BRMS1L: variants seen among roughly 807,000 people sequenced by gnomAD.
BRMS1L encodes the protein breast cancer metastasis-suppressor 1-like protein.
A neutral mutation model predicts 50.3 loss-of-function variants in BRMS1L; 23 were observed. The observed-to-expected ratio is 0.46, with a 90% CI of 0.33 to 0.65. The LOEUF is 0.65. BRMS1L is among the 30% of genes least tolerant of loss of function. The probability of loss-of-function intolerance (pLI) is 0.02; values close to 1 mark genes in which losing one functional copy is unlikely to be tolerated. For synonymous variants in BRMS1L, 114 were observed against 126.9 expected, an observed-to-expected ratio of 0.90 and a Z score of 0.69; for missense variants, 286 against 386.1, an observed-to-expected ratio of 0.74 and a Z score of 2.17.
chr14:35,862,988 C>A (rs1369828939), intron 5 of BRMS1L, among the ~76,000 whole-genome samples: 2 of 151,938 alleles, frequency 1.3e-5, no homozygotes, highest in Non-Finnish European at 2.9e-5. Context: ...ATCTACAGTC[C>A]CAGCTATGCA....
chr14:35,866,621 C>T (rs2078425211), intron 8 of BRMS1L, among the ~76,000 whole-genome samples: 1 of 152,152 alleles, frequency 6.6e-6, no homozygotes, highest in Non-Finnish European at 1.5e-5. Flanking sequence ...GGGAGGATCA[C>T]CTGAGCCCTG....
chr14:35,842,640 T>A (rs1487787854), intron 4 of BRMS1L, among the ~76,000 whole-genome samples: 1 of 152,226 alleles, frequency 6.6e-6, no homozygotes, highest in East Asian at 1.9e-4. Context: ...TTGGTGAATC[T>A]GATGATTATG....
chr14:35,870,520 CA>C lies in BRMS1L; in HGVS notation c.*46del, dbSNP rs1217203787. On this transcript the variant is annotated 3_prime_UTR_variant, in exon 10 of 10. Transcript: ENST00000216807. ...TCTAAATTTACCTTATTAGTGTTAC[CA>C]AATGTAAGTGCCATGAGAGTAAAAA... The C allele has an allele frequency of 8.2e-7, 1 of 1,218,114 alleles. No individual in the cohort carries two copies. The highest frequency in any genetic ancestry group is 1.5e-5 in the African/African-American group (1 of 65,854). 75.5% of individuals were successfully genotyped at this position (1,218,114 alleles called of 1,614,324 possible). A position where few individuals can be genotyped will look rare whatever the true frequency, so the allele number is the denominator to read the frequency against.
At chr14:35,853,762 T>A (rs1342445892) in intron 4 of BRMS1L, among the ~76,000 whole-genome samples, 1 of 152,144 alleles carries the variant, frequency 6.6e-6, no homozygotes, top group Non-Finnish European at 1.5e-5. Context: ...TATTTTGAGT[T>A]TTCCATTTGT....
chr14:35,866,887 G>A (rs1272346381), intron 8 of BRMS1L, among the ~76,000 whole-genome samples: 3 of 152,082 alleles, frequency 2.0e-5, no homozygotes. Context: ...TCATAGTTGA[G>A]TGTGTCTCCC....
At chr14:35,846,243 A>G (rs28832685) in intron 4 of BRMS1L, among the ~76,000 whole-genome samples, 1 of 145,846 alleles carries the variant, frequency 6.9e-6, no homozygotes, top group Non-Finnish European at 1.5e-5. Context: ...CAAAACAAAA[A>G]CAAAAAAACT....
intron 4 of BRMS1L, among the ~76,000 whole-genome samples, chr14:35,836,858 C>A (rs1373111797): frequency 6.6e-6 from 1 of 151,554 alleles, no homozygotes; most frequent in Non-Finnish European, 1.5e-5. Flanking sequence ...GATATCGATT[C>A]TTCCTATCCA....
intron 4 of BRMS1L, among the ~76,000 whole-genome samples, chr14:35,858,964 T>C (rs1474921260): frequency 1.3e-5 from 2 of 151,018 alleles, no homozygotes; most frequent in African/African-American, 4.9e-5. Flanking sequence ...TTTTTTGAGA[T>C]GGAGCCTTGC....
intron 4 of BRMS1L, among the ~76,000 whole-genome samples, chr14:35,839,852 A>C (rs1371038168): frequency 1.3e-5 from 2 of 152,084 alleles, no homozygotes; most frequent in East Asian, 3.8e-4. Context: ...CTATTTGAAT[A>C]CCCTTTATTT....
intron 6 of BRMS1L, among the ~76,000 whole-genome samples, 159 bp downstream of exon 6, chr14:35,864,112 TA>T (rs2078389458): frequency 6.6e-6 from 1 of 152,194 alleles, no homozygotes; most frequent in Non-Finnish European, 1.5e-5. Flanking sequence ...ACAGAGGATA[TA>T]GTGTATACTT....
At chr14:35,829,497 T>C (rs1167722266) in intron 1 of BRMS1L, among the ~76,000 whole-genome samples, 1 of 152,192 alleles carries the variant, frequency 6.6e-6, no homozygotes, top group Non-Finnish European at 1.5e-5. Context: ...TTAAATAAAT[T>C]TTGCAGTTTG....
chr14:35,844,682 G>A (rs1016367294), intron 4 of BRMS1L, among the ~76,000 whole-genome samples: 4 of 152,110 alleles, frequency 2.6e-5, no homozygotes, highest in Non-Finnish European at 4.4e-5. Flanking sequence ...GGTGATGCGC[G>A]CCTGTAGTTC....
At position 35,850,188 on chromosome 14, in the gene BRMS1L, C is replaced by T. The variant is rs561936002; in HGVS notation, c.442-12402C>T. Among the ~76,000 whole-genome samples, 17 of 150,052 alleles carry T rather than the reference C, an allele frequency of 1.1e-4. No individual in the cohort carries two copies. The South Asian group carries it at 3.6e-3, about 31-fold the overall frequency. On this transcript the variant is annotated intron_variant, in intron 4 of 9. Transcript: ENST00000216807. ...ATATATGGTTTGCAAATATATTCTC[C>T]CATTTAGTAGGTTGCCTTTTCTTTT...
intron 9 of BRMS1L, among the ~76,000 whole-genome samples, chr14:35,868,775 C>T (rs1294143799): frequency 6.6e-6 from 1 of 152,162 alleles, no homozygotes; most frequent in Non-Finnish European, 1.5e-5. Flanking sequence ...GAGACCTTGT[C>T]TCTCTAACAA....
At chr14:35,854,113 A>G (rs2078249140) in intron 4 of BRMS1L, among the ~76,000 whole-genome samples, 1 of 152,126 alleles carries the variant, frequency 6.6e-6, no homozygotes, top group African/African-American at 2.4e-5. Context: ...TTGGTCTCAT[A>G]TAGTTAGTTC....
chr14:35,862,784 G>C, intron 5 of BRMS1L, 98 bp downstream of exon 5: 1 of 575,466 alleles, frequency 1.7e-6, no homozygotes, highest in Non-Finnish European at 2.7e-6. Flanking sequence ...TTAATATTAT[G>C]TAAATGAAAT....
chr14:35,829,968 A>G (rs1224159278), intron 1 of BRMS1L: 8 of 454,598 alleles, frequency 1.8e-5, no homozygotes, highest in African/African-American at 8.6e-5. Context: ...CCTCTTTCTC[A>G]CTGATAGTAA....
intron 9 of BRMS1L, among the ~76,000 whole-genome samples, chr14:35,869,362 C>G (rs550792413): frequency 4.0e-5 from 6 of 151,758 alleles, no homozygotes; most frequent in Admixed American, 3.3e-4. Flanking sequence ...GAGACCAGCC[C>G]TAGCTGGTCT....
At chr14:35,861,434 C>A (rs2078349937) in intron 4 of BRMS1L, among the ~76,000 whole-genome samples, 1 of 152,106 alleles carries the variant, frequency 6.6e-6, no homozygotes, top group Admixed American at 6.6e-5. Context: ...AACTGCTCTC[C>A]CTTTTTCTCT....
Sources: allele counts gnomAD v4.1 joint callset (sites outside exome capture counted in the v4.1 genomes callset), GRCh38; gene constraint gnomAD v4.1.1; transcripts MANE v1.5; gene names NCBI Gene and HGNC (gene_info 2026-07-23, HGNC 2026-07-21).